BCAT1: variants seen among roughly 807,000 people sequenced by gnomAD.
BCAT1 encodes the protein branched-chain-amino-acid aminotransferase, cytosolic.
BCAT1 carries 48 observed loss-of-function variants against 52.4 expected under a neutral mutation model. The observed-to-expected ratio is 0.92, with a 90% CI of 0.73 to 1.16. The LOEUF (loss-of-function observed/expected upper bound fraction) is 1.16. Among genes scored for constraint, BCAT1 ranks in the 50% most tolerant of loss-of-function variants. The pLI, the probability that BCAT1 is intolerant of heterozygous loss-of-function variation, is 0.00. For missense variants in BCAT1, 451 were observed against 457.1 expected (o/e 0.99, Z 0.12); for synonymous variants, 167 against 161.3 (o/e 1.04, Z -0.27).
intron 10 of BCAT1, among the ~76,000 whole-genome samples, chr12:24,822,443 A>G (rs1940178200): frequency 6.6e-6 from 1 of 152,208 alleles, no homozygotes; most frequent in African/African-American, 2.4e-5. Context: ...TTATCAGAGC[A>G]CTTTGTAGAA....
At chr12:24,898,024 T>G (rs1942998753) in intron 2 of BCAT1, among the ~76,000 whole-genome samples, 1 of 152,126 alleles carries the variant, frequency 6.6e-6, no homozygotes, top group African/African-American at 2.4e-5. Flanking sequence ...GTGATAGAAT[T>G]GAATAAAGTT....
chr12:24,904,200 A>G (rs1943186838), intron 1 of BCAT1: 1 of 152,114 alleles, frequency 6.6e-6, no homozygotes, highest in Non-Finnish European at 1.5e-5. Context: ...CTTATAAGAT[A>G]AGTTTTGTCC....
At chr12:24,925,201 A>C (rs1422841087) in intron 1 of BCAT1, among the ~76,000 whole-genome samples, 2 of 152,234 alleles carry the variant, frequency 1.3e-5, no homozygotes, top group Non-Finnish European at 2.9e-5. Flanking sequence ...TGAAGGCCTT[A>C]ACAGCAAAAA....
intron 3 of BCAT1, among the ~76,000 whole-genome samples, chr12:24,893,374 G>T (rs1942889810): frequency 1.3e-5 from 2 of 152,186 alleles, no homozygotes; most frequent in South Asian, 4.2e-4. Context: ...TATAGATAAA[G>T]AAATTAAAGC....
intron 3 of BCAT1, among the ~76,000 whole-genome samples, chr12:24,884,345 G>A (rs577403459): frequency 1.3e-5 from 2 of 152,146 alleles, no homozygotes; most frequent in Admixed American, 6.5e-5. Flanking sequence ...GGAGGCTAGG[G>A]GTTGGGGAAT....
At chr12:24,926,287 T>G (rs904053751) in intron 1 of BCAT1, among the ~76,000 whole-genome samples, 1 of 151,988 alleles carries the variant, frequency 6.6e-6, no homozygotes, top group Non-Finnish European at 1.5e-5. Flanking sequence ...CCGCCCCATC[T>G]GAGAAGTAAA....
chr12:24,928,025 T>C (rs1436548767), intron 1 of BCAT1, among the ~76,000 whole-genome samples: 3 of 152,172 alleles, frequency 2.0e-5, no homozygotes, highest in Non-Finnish European at 4.4e-5. Context: ...ATTCAATGCT[T>C]TACTGTCTGA....
intron 10 of BCAT1, among the ~76,000 whole-genome samples, chr12:24,824,291 C>T (rs1598100255): frequency 6.6e-6 from 1 of 150,648 alleles, no homozygotes; most frequent in Admixed American, 6.6e-5. Flanking sequence ...TCCCTCCCTC[C>T]CTCCCTCCCT....
At chr12:24,865,744 C>T (rs968066092) in intron 5 of BCAT1, among the ~76,000 whole-genome samples, 1 of 151,946 alleles carries the variant, frequency 6.6e-6, no homozygotes, top group East Asian at 1.9e-4. Context: ...ACATTATAAC[C>T]GTTGTTATCA....
At chr12:24,876,447 A>G (rs545160174) in intron 5 of BCAT1, among the ~76,000 whole-genome samples, 1 of 152,270 alleles carries the variant, frequency 6.6e-6, no homozygotes, top group East Asian at 1.9e-4. Context: ...CCAAAAATAA[A>G]TTGATATAAT....
intron 8 of BCAT1, chr12:24,833,993 A>T (rs1039269008): frequency 1.1e-4 from 26 of 244,316 alleles, no homozygotes; most frequent in South Asian, 4.6e-4. Flanking sequence ...ACTAGGTTTT[A>T]TATTTTATAT....
In BCAT1 at chr12:24,839,955, T is replaced by C. The variant is rs915969062; in HGVS notation, c.817+2127A>G. On this transcript the variant is annotated intron_variant, in intron 7 of 10. Transcript: ENST00000261192. ...ATATATATTCTATTTCCTTTCTCCTTATTCTGAATTTTATTTGTTCTGTTA... is the reference window on the plus strand; with the variant it reads ...ATATATATTCTATTTCCTTTCTCCTCATTCTGAATTTTATTTGTTCTGTTA... Among the ~76,000 whole-genome samples, 5 of 152,320 alleles carry C rather than the reference T, an allele frequency of 3.3e-5. No individual in the cohort carries two copies. In the East Asian group the frequency reaches 7.7e-4, roughly 23 times the overall value.
Position 24,829,688 on chromosome 12 carries a change from A to G in BCAT1, c.1119+135T>C, listed in dbSNP as rs76396667. On this transcript the variant is annotated intron_variant, in intron 10 of 10. Transcript: ENST00000261192. ...TGTTGGGAATATCTTCCTTAAATTT[A>G]ACTTATTGATCTCAAATTGTATTAT... 4.5e-3 allele frequency: 3,299 copies of G among 734,880 alleles called. 87 individuals carry two copies. The African/African-American group carries it at 0.053, about 12-fold the overall frequency. The allele number at this position is 734,880 out of a possible 1,614,324, so 45.5% of individuals were successfully genotyped here. A position where few individuals can be genotyped will look rare whatever the true frequency, so the allele number is the denominator to read the frequency against.
chr12:24,915,462 C>A (rs1943393219), intron 1 of BCAT1, among the ~76,000 whole-genome samples: 1 of 152,096 alleles, frequency 6.6e-6, no homozygotes. Flanking sequence ...TTAGATAAAT[C>A]TTTACATTTC....
chr12:24,927,384 T>C (rs1239365948), intron 1 of BCAT1, among the ~76,000 whole-genome samples: 3 of 152,174 alleles, frequency 2.0e-5, no homozygotes, highest in East Asian at 3.8e-4. Context: ...GTGATCTACA[T>C]AGACAAGCTA....
chr12:24,842,058 C>A (rs1402349219), intron 7 of BCAT1, 24 bp downstream of exon 7: 1 of 1,609,944 alleles, frequency 6.2e-7, no homozygotes, highest in African/African-American at 1.3e-5. Context: ...GAGAAATGCA[C>A]ACAGTGAAAT....
chr12:24,835,551 T>TTTA (rs1940879498), intron 8 of BCAT1, among the ~76,000 whole-genome samples: 1 of 146,568 alleles, frequency 6.8e-6, no homozygotes, highest in Non-Finnish European at 1.5e-5. Flanking sequence ...TTAAATTTTA[T>TTTA]TTTATTTATT....
intron 1 of BCAT1, among the ~76,000 whole-genome samples, chr12:24,910,120 T>G (rs562986432): frequency 6.6e-6 from 1 of 152,142 alleles, no homozygotes; most frequent in Non-Finnish European, 1.5e-5. Flanking sequence ...ACACCTGTAA[T>G]CCCAGCACTT....
intron 7 of BCAT1, among the ~76,000 whole-genome samples, chr12:24,836,909 AG>A (rs1428093426): frequency 3.0e-4 from 3 of 9,880 alleles, no homozygotes; most frequent in Non-Finnish European, 9.2e-4. Flanking sequence ...AAAGAAAGAG[AG>A]AAAGAAAGAA....
Sources: gnomAD v4.1 joint callset for allele counts (sites outside exome capture counted in the v4.1 genomes callset) on GRCh38, gnomAD v4.1.1 for gene constraint, MANE v1.5 for transcripts, NCBI Gene and HGNC (gene_info 2026-07-23, HGNC 2026-07-21) for gene names.